ARHGEF10: variants seen among roughly 807,000 people sequenced by gnomAD.
ARHGEF10 encodes Rho guanine nucleotide exchange factor 10, also known as Rho guanine nucleotide exchange factor (GEF) 10.
In ARHGEF10, 140 loss-of-function variants were observed where a neutral mutation model predicts 147.4. The ratio of observed to expected loss-of-function variants is 0.95; its 90% CI spans 0.83 to 1.09. ARHGEF10 has a LOEUF of 1.09. Among genes scored for constraint, ARHGEF10 ranks in the 50% least tolerant of loss-of-function variants. ARHGEF10 has a pLI of 0.00. For missense variants in ARHGEF10, 2,222 were observed against 1,752.7 expected (o/e 1.27, Z -4.78); for synonymous variants, 902 against 695.8 (o/e 1.30, Z -4.67).
At chr8:1,930,532 G>A (rs1396204906) in intron 25 of ARHGEF10, among the ~76,000 whole-genome samples, 2 of 149,194 alleles carry the variant, frequency 1.3e-5, no homozygotes, top group African/African-American at 5.0e-5. Flanking sequence ...AGTCCCCAGT[G>A]TACTTAGAAT....
chr8:1,918,899 T>C (rs1811970061), intron 18 of ARHGEF10, among the ~76,000 whole-genome samples: 1 of 150,554 alleles, frequency 6.6e-6, no homozygotes, highest in Admixed American at 6.6e-5. Flanking sequence ...AGCTATTCTG[T>C]AAAGTGACGG....
At chr8:1,838,618 C>G (rs1174802276) in intron 1 of ARHGEF10, among the ~76,000 whole-genome samples, 1 of 152,284 alleles carries the variant, frequency 6.6e-6, no homozygotes, top group Non-Finnish European at 1.5e-5. Context: ...TTGACTGAGG[C>G]TAAAGGGTCA....
chr8:1,888,214 G>A (rs1808926547), intron 11 of ARHGEF10, among the ~76,000 whole-genome samples: 1 of 64,408 alleles, frequency 1.6e-5, no homozygotes, highest in Non-Finnish European at 3.1e-5. Context: ...TTAGTGGGGC[G>A]AGGGTTGCGA....
chr8:1,857,891 T>TATC (rs1389870155), intron 2 of ARHGEF10, 69 bp from the exon 3 acceptor site: 1 of 1,060,350 alleles, frequency 9.4e-7, no homozygotes, highest in East Asian at 2.5e-5. Context: ...TCTATCTATC[T>TATC]ATCTATCTAT....
At chr8:1,923,948 AG>A in intron 21 of ARHGEF10, 74 bp downstream of exon 21, 1 of 1,380,184 alleles carries the variant, frequency 7.2e-7, no homozygotes, top group Non-Finnish European at 1.0e-6. Flanking sequence ...GGGTGAGGTC[AG>A]GGTTGAGAAG....
chr8:1,899,263 C>G (rs963611160), intron 15 of ARHGEF10, among the ~76,000 whole-genome samples: 4 of 152,182 alleles, frequency 2.6e-5, no homozygotes, highest in African/African-American at 9.7e-5. Flanking sequence ...GGCTCAGCAC[C>G]CATTTTATTT....
intron 7 of ARHGEF10, chr8:1,871,275 C>T (rs1377580099): frequency 4.6e-5 from 7 of 150,606 alleles, no homozygotes; most frequent in Non-Finnish European, 1.0e-4. Context: ...ATATAGTATG[C>T]CTCAAAACAA....
intron 23 of ARHGEF10, among the ~76,000 whole-genome samples, chr8:1,927,811 C>T (rs368230306): frequency 1.2e-3 from 186 of 152,198 alleles, no homozygotes; most frequent in African/African-American, 4.1e-3. Context: ...TGTGGTGGCA[C>T]GAGCCTATAG....
chr8:1,912,009 C>G (rs41379944), intron 18 of ARHGEF10, among the ~76,000 whole-genome samples: 1,936 of 152,300 alleles, frequency 0.013, 43 homozygotes, highest in African/African-American at 0.043. Context: ...GCTTGAATGA[C>G]TGTTCTAAAA....
In ARHGEF10 at chr8:1,869,149, G is replaced by A. The variant is rs765205237; in HGVS notation, c.623-45G>A. 1.1e-5 allele frequency: 17 copies of A among 1,558,864 alleles called. No individual in the cohort carries two copies. In the East Asian group the frequency reaches 3.8e-4, roughly 35 times the overall value. On this transcript the variant is annotated intron_variant, in intron 6 of 28. Coordinates refer to ENST00000349830, the MANE Select transcript of ARHGEF10 (RefSeq NM_014629.4). Reference sequence around the variant, plus strand: ...CCCTGTAAAATTTAAATTGCACTAGGTTTTGTTGGTCACTGTTTAAAGTGT... The same window carrying A: ...CCCTGTAAAATTTAAATTGCACTAGATTTTGTTGGTCACTGTTTAAAGTGT...
Position 1,958,592 on chromosome 8 carries a change from G to C in ARHGEF10, c.*1329G>C, listed in dbSNP as rs1434850995. On this transcript the variant is annotated 3_prime_UTR_variant, in exon 29 of 29. Coordinates refer to ENST00000349830, the MANE Select transcript of ARHGEF10 (RefSeq NM_014629.4). ...GATTTCTTCCCAAGCTTCTCAAACT[G>C]TTAGCTGCTGTCTGACTTCATCAAT... 2.0e-5 allele frequency: 3 copies of C among 151,682 alleles called. No homozygotes were observed. The highest frequency in any genetic ancestry group is 4.4e-5 in the Non-Finnish European group (3 of 67,994). 9.4% of individuals were successfully genotyped at this position (151,682 alleles called of 1,614,324 possible).
chr8:1,942,257 G>A (rs904644558), intron 26 of ARHGEF10, among the ~76,000 whole-genome samples: 1 of 149,484 alleles, frequency 6.7e-6, no homozygotes, highest in Non-Finnish European at 1.5e-5. Context: ...CTCACTCTTA[G>A]ATCTTAATAA....
intron 10 of ARHGEF10, among the ~76,000 whole-genome samples, chr8:1,883,708 A>T (rs571808217): frequency 6.6e-6 from 1 of 152,140 alleles, no homozygotes; most frequent in Non-Finnish European, 1.5e-5. Context: ...GTGCAGTAGT[A>T]TCATGCCCTG....
At chr8:1,946,504 G>C (rs1161376044) in intron 27 of ARHGEF10, among the ~76,000 whole-genome samples, 1 of 152,164 alleles carries the variant, frequency 6.6e-6, no homozygotes, top group Non-Finnish European at 1.5e-5. Context: ...CTTCTGGCTG[G>C]GGCCTCATGT....
chr8:1,844,423 CACCGGGG>C (rs1804360048), intron 2 of ARHGEF10, among the ~76,000 whole-genome samples: 3 of 151,918 alleles, frequency 2.0e-5, no homozygotes, highest in Admixed American at 6.5e-5. Context: ...ATCCAGGGGT[CACCGGGG>C]CCTGCTGGAC....
chr8:1,951,504 G>GT (rs1815045903), intron 27 of ARHGEF10, among the ~76,000 whole-genome samples: 1 of 152,180 alleles, frequency 6.6e-6, no homozygotes. Context: ...TGTAGTGAGG[G>GT]TTTTTTGTTT....
Position 1,829,010 on chromosome 8 carries a change from C to T in ARHGEF10, c.-48+4897C>T, listed in dbSNP as rs546842848. Among the ~76,000 whole-genome samples, 286 of 152,292 alleles carry T rather than the reference C, an allele frequency of 1.9e-3. 2 individuals are homozygous for T. Among genetic ancestry groups the T allele is most frequent in the African/African-American group, 6.7e-3 (279 of 41,572 alleles). ...ACATAAGCTAGCGTGGTATTCAGTGCGTATCTGAGCGGACACGGACGGGGA... is the reference window on the plus strand; with the variant it reads ...ACATAAGCTAGCGTGGTATTCAGTGTGTATCTGAGCGGACACGGACGGGGA... On this transcript the variant is annotated intron_variant, in intron 1 of 28. Transcript: ENST00000349830.
chr8:1,841,845 G>C (rs1291536768), intron 1 of ARHGEF10, among the ~76,000 whole-genome samples: 1 of 118,838 alleles, frequency 8.4e-6, no homozygotes, highest in Admixed American at 9.8e-5. Flanking sequence ...GACGGGAACT[G>C]GGGCCGCGGC....
chr8:1,832,614 ACAGAGGCAGAGAGAGACAGAGG>A (rs1449223557), intron 1 of ARHGEF10, among the ~76,000 whole-genome samples: 3 of 123,260 alleles, frequency 2.4e-5, no homozygotes, highest in Admixed American at 7.8e-5. Flanking sequence ...AGAGGCAGAG[ACAGAGGCAGAGAGAGACAGAGG>A]CAGAGGCAGA....
Sources: gnomAD v4.1 joint callset for allele counts (sites outside exome capture counted in the v4.1 genomes callset) on GRCh38, gnomAD v4.1.1 for gene constraint, MANE v1.5 for transcripts, NCBI Gene and HGNC (gene_info 2026-07-23, HGNC 2026-07-21) for gene names.